The following UQCC1 variants were observed in gnomAD, a reference collection of about 807,000 sequenced individuals.
UQCC1 encodes the protein bFGF-repressed Zic-binding protein.
A neutral mutation model predicts 48.0 loss-of-function variants in UQCC1; 38 were observed. The ratio of observed to expected loss-of-function variants is 0.79; its 90% confidence interval spans 0.61 to 1.04. The LOEUF is 1.04. Ranked by LOEUF, UQCC1 falls within the 50% of genes least tolerant of loss-of-function variation. The pLI, the probability that UQCC1 is intolerant of heterozygous loss-of-function variation, is 0.00. For synonymous variants in UQCC1, 111 were observed against 129.2 expected (o/e 0.86, Z 0.95); for missense variants, 368 against 381.8 (o/e 0.96, Z 0.30).
At chr20:35,387,353 G>A (rs572921072) in intron 2 of UQCC1, among the ~76,000 whole-genome samples, 137 of 152,156 alleles carry the variant, frequency 9.0e-4, no homozygotes, top group African/African-American at 3.2e-3. Context: ...GGGGTGCTGG[G>A]ACAAACTCAA....
intron 8 of UQCC1, chr20:35,309,070 G>T: frequency 2.2e-6 from 1 of 446,236 alleles, no homozygotes; most frequent in East Asian, 7.1e-5. Flanking sequence ...CTAACTGATG[G>T]CTGAACTAGA....
chr20:35,366,449 C>G (rs913662729), intron 6 of UQCC1, 108 bp downstream of exon 6: 37 of 924,596 alleles, frequency 4.0e-5, no homozygotes, highest in Admixed American at 9.4e-5. Flanking sequence ...TTTTTAACAC[C>G]TGAACAACTG....
chr20:35,321,456 C>G (rs2061128652), intron 7 of UQCC1, among the ~76,000 whole-genome samples: 1 of 152,102 alleles, frequency 6.6e-6, no homozygotes, highest in Non-Finnish European at 1.5e-5. Context: ...CGATGAAAGG[C>G]CAACCTAAAC....
intron 6 of UQCC1, among the ~76,000 whole-genome samples, chr20:35,355,623 C>T (rs139559773): frequency 1.3e-5 from 2 of 152,290 alleles, no homozygotes; most frequent in African/African-American, 4.8e-5. Context: ...GACCTTGAAG[C>T]CTATCACATT....
intron 4 of UQCC1, among the ~76,000 whole-genome samples, chr20:35,378,146 T>A (rs1223190687): frequency 2.0e-5 from 3 of 152,194 alleles, no homozygotes. Context: ...ACTTCATATT[T>A]ATTTCATTTT....
intron 8 of UQCC1, among the ~76,000 whole-genome samples, chr20:35,312,354 T>C (rs1261755219): frequency 6.6e-6 from 1 of 152,182 alleles, no homozygotes; most frequent in East Asian, 1.9e-4. Context: ...GGAGACCCTA[T>C]TTTAACAAAA....
chr20:35,337,337 T>C (rs1015512383), intron 7 of UQCC1, among the ~76,000 whole-genome samples: 6 of 152,094 alleles, frequency 3.9e-5, no homozygotes, highest in African/African-American at 1.4e-4. Context: ...TACAGGTGCA[T>C]GCCATCACAC....
chr20:35,380,713 T>C (rs185340548), intron 4 of UQCC1, among the ~76,000 whole-genome samples: 4 of 152,322 alleles, frequency 2.6e-5, no homozygotes, highest in Admixed American at 2.0e-4. Flanking sequence ...GCTTACCCAA[T>C]ATTCCAGCAA....
chr20:35,304,153 G>T (rs1301944338), intron 9 of UQCC1, 84 bp from the exon 10 acceptor site: 1 of 1,582,432 alleles, frequency 6.3e-7, no homozygotes, highest in Admixed American at 1.7e-5. Flanking sequence ...CCTCCCAGAG[G>T]AGAGGAAGGA....
chr20:35,411,398 C>T (rs1416092613), intron 1 of UQCC1, among the ~76,000 whole-genome samples: 1 of 152,084 alleles, frequency 6.6e-6, no homozygotes, highest in African/African-American at 2.4e-5. Context: ...ACAGACATGA[C>T]TCCAATTCTC....
chr20:35,380,929 C>T (rs1192509349), intron 4 of UQCC1, among the ~76,000 whole-genome samples: 4 of 152,188 alleles, frequency 2.6e-5, no homozygotes, highest in Non-Finnish European at 5.9e-5. Flanking sequence ...TTCCCTGGGG[C>T]ATCATGTCTA....
intron 9 of UQCC1, among the ~76,000 whole-genome samples, chr20:35,306,019 C>G (rs1469669042): frequency 6.6e-6 from 1 of 152,218 alleles, no homozygotes; most frequent in Admixed American, 6.5e-5. Flanking sequence ...ATGAGTTTCC[C>G]ATCAATACAG....
chr20:35,342,535 T>C (rs946446764), intron 7 of UQCC1, among the ~76,000 whole-genome samples: 1 of 152,222 alleles, frequency 6.6e-6, no homozygotes, highest in African/African-American at 2.4e-5. Context: ...AATTTACATC[T>C]GAAATCTGCC....
intron 1 of UQCC1, among the ~76,000 whole-genome samples, chr20:35,400,774 T>C (rs1174779868): frequency 2.6e-5 from 4 of 152,160 alleles, no homozygotes; most frequent in Admixed American, 1.3e-4. Context: ...GGATTACAGG[T>C]GTGAGCCACC....
intron 1 of UQCC1, among the ~76,000 whole-genome samples, chr20:35,408,295 G>A (rs989376815): frequency 6.6e-6 from 1 of 151,984 alleles, no homozygotes; most frequent in African/African-American, 2.4e-5. Flanking sequence ...TGGGTGTGTT[G>A]GCACACACCT....
At chr20:35,323,494 C>T (rs1600872339) in intron 7 of UQCC1, among the ~76,000 whole-genome samples, 1 of 152,160 alleles carries the variant, frequency 6.6e-6, no homozygotes, top group South Asian at 2.1e-4. Flanking sequence ...AAAGGAAAAG[C>T]CATATGCAAA....
At chr20:35,356,234 T>G (rs1318339144) in intron 6 of UQCC1, among the ~76,000 whole-genome samples, 1 of 152,170 alleles carries the variant, frequency 6.6e-6, no homozygotes, top group Non-Finnish European at 1.5e-5. Context: ...ACATCTGATA[T>G]TGGAATGGAA....
At chr20:35,314,033 C>T (rs768933367) in intron 8 of UQCC1, among the ~76,000 whole-genome samples, 13 of 152,080 alleles carry the variant, frequency 8.5e-5, no homozygotes, top group Non-Finnish European at 1.5e-4. Flanking sequence ...GGCATGATCT[C>T]GGCTCACTGC....
chr20:35,402,561 G>A (rs567425721), intron 1 of UQCC1, among the ~76,000 whole-genome samples: 40 of 150,072 alleles, frequency 2.7e-4, no homozygotes, highest in Admixed American at 2.2e-3. Flanking sequence ...CTGGGCGACA[G>A]AGCGAGACTC....
Sources: allele counts gnomAD v4.1 joint callset (sites outside exome capture counted in the v4.1 genomes callset), GRCh38; gene constraint gnomAD v4.1.1; transcripts MANE v1.5; gene names NCBI Gene and HGNC (gene_info 2026-07-23, HGNC 2026-07-21).